The following PTH2R variants were observed in gnomAD, a reference collection of about 807,000 sequenced individuals.
PTH2R encodes the protein PTH2 receptor.
Under a neutral mutation model 60.3 loss-of-function variants are expected in PTH2R, and 59 were observed. The observed-to-expected ratio is 0.98, with a 90% CI of 0.79 to 1.22. The LOEUF (loss-of-function observed/expected upper bound fraction) is 1.22. Among genes scored for constraint, PTH2R ranks in the 50% most tolerant of loss-of-function variants. The pLI, the probability that PTH2R is intolerant of heterozygous loss-of-function variation, is 0.00. For missense variants in PTH2R, 749 were observed against 682.6 expected, an observed-to-expected ratio of 1.10 and a Z score of -1.08; for synonymous variants, 256 against 243.8, an observed-to-expected ratio of 1.05 and a Z score of -0.47.
intron 4 of PTH2R, among the ~76,000 whole-genome samples, chr2:208,439,942 A>C (rs1448136334): frequency 2.0e-5 from 3 of 152,242 alleles, no homozygotes; most frequent in African/African-American, 7.2e-5. Flanking sequence ...AATAATTATA[A>C]TGAATGTTTC....
At chr2:208,436,848 A>G (rs1702085572) in intron 2 of PTH2R, among the ~76,000 whole-genome samples, 1 of 152,214 alleles carries the variant, frequency 6.6e-6, no homozygotes, top group Non-Finnish European at 1.5e-5. Context: ...AAAAAGGGAC[A>G]GAGAGAATTG....
chr2:208,450,305 T>C (rs1702377844), intron 7 of PTH2R, among the ~76,000 whole-genome samples: 1 of 152,220 alleles, frequency 6.6e-6, no homozygotes, highest in Non-Finnish European at 1.5e-5. Context: ...CAGTATGCCT[T>C]CCATTTTTAG....
chr2:208,365,483 C>T (rs1271842002), intron 1 of PTH2R, among the ~76,000 whole-genome samples: 2 of 152,002 alleles, frequency 1.3e-5, no homozygotes, highest in African/African-American at 2.4e-5. Flanking sequence ...TGGTGTACTA[C>T]ATTGATTTTC....
At chr2:208,407,189 A>G (rs1396556363) in intron 1 of PTH2R, 71 bp downstream of exon 1, 1 of 1,302,370 alleles carries the variant, frequency 7.7e-7, no homozygotes, top group Non-Finnish European at 1.0e-6. Flanking sequence ...AGCGACACGG[A>G]GGCCAGGTGC....
intron 1 of PTH2R, among the ~76,000 whole-genome samples, chr2:208,362,593 C>T (rs1487032067): frequency 6.6e-6 from 1 of 152,116 alleles, no homozygotes; most frequent in Non-Finnish European, 1.5e-5. Context: ...ATACAGGTTG[C>T]TTCCGCCTTT....
intron 2 of PTH2R, among the ~76,000 whole-genome samples, chr2:208,428,594 G>A (rs1268047204): frequency 6.6e-6 from 1 of 152,238 alleles, no homozygotes; most frequent in Non-Finnish European, 1.5e-5. Context: ...CCTGTAGAGA[G>A]CATGCATACT....
chr2:208,452,857 G>A (rs74781747), intron 8 of PTH2R, among the ~76,000 whole-genome samples: 7,014 of 152,208 alleles, frequency 0.046, 325 homozygotes, highest in African/African-American at 0.11. Context: ...GCACAGCCAC[G>A]AATGGTAGAA....
chr2:208,387,079 G>C (rs2125879864), intron 1 of PTH2R, among the ~76,000 whole-genome samples: 1 of 152,074 alleles, frequency 6.6e-6, no homozygotes, highest in Middle Eastern at 3.4e-3. Context: ...ATATACAAAG[G>C]GATAATATTT....
intron 2 of PTH2R, among the ~76,000 whole-genome samples, chr2:208,434,260 C>T (rs1027000034): frequency 2.0e-5 from 3 of 151,630 alleles, no homozygotes; most frequent in African/African-American, 4.8e-5. Context: ...TTGCAGTGAG[C>T]TGAGATGGTG....
At chr2:208,435,389 G>C (rs1702054914) in intron 2 of PTH2R, among the ~76,000 whole-genome samples, 1 of 152,198 alleles carries the variant, frequency 6.6e-6, no homozygotes, top group Admixed American at 6.5e-5. Context: ...ATGGAATTAA[G>C]GTTATGGACC....
Position 208,442,451 on chromosome 2 carries a change from G to T in PTH2R, c.499G>T (p.Gly167Cys). ...GSLAVAILIIGYFRRLHCTRN... is the reference protein window; with the variant it reads ...GSLAVAILIICYFRRLHCTRN... ...CTTGGCTGTGGCTATTCTCATCATT[G>T]GTTACTTCAGGTGAGTGATGCCCAT... The change falls in exon 5 of 13, where the codon GGT becomes TGT. Residue 167 changes from glycine to cysteine, a missense_variant. By Grantham distance (159) the Gly-to-Cys change is radical. Transcript: ENST00000272847. The T allele has an allele frequency of 2.5e-6, 4 of 1,603,024 alleles. No individual in the cohort carries two copies. Among genetic ancestry groups the T allele is most frequent in the South Asian group, 1.1e-5 (1 of 90,828 alleles).
rs114730322 is a variant in PTH2R, at chr2:208,474,978, C to T, written c.982-6092C>T. On this transcript the variant is annotated intron_variant, in intron 9 of 12. Transcript: ENST00000272847. ...AACAACTGTAAATAACTGTCAGCTG[C>T]TGATGTGAGTAATGGAAGGAGATCA... Among the ~76,000 whole-genome samples the T allele has an allele frequency of 3.3e-3, 500 of 152,280 alleles. 3 individuals are homozygous for T. The highest frequency in any genetic ancestry group is 0.012 in the African/African-American group (483 of 41,564).
At chr2:208,468,090 C>G (rs1377337789) in intron 9 of PTH2R, among the ~76,000 whole-genome samples, 1 of 152,170 alleles carries the variant, frequency 6.6e-6, no homozygotes, top group Non-Finnish European at 1.5e-5. Flanking sequence ...ATATATTTTC[C>G]TCCTGGGATT....
chr2:208,456,806 G>A (rs989616021), intron 8 of PTH2R, among the ~76,000 whole-genome samples: 1 of 152,186 alleles, frequency 6.6e-6, no homozygotes, highest in African/African-American at 2.4e-5. Flanking sequence ...GACAGTGTGA[G>A]TGGGAACATT....
intron 1 of PTH2R, among the ~76,000 whole-genome samples, chr2:208,385,346 C>T (rs1201408708): frequency 6.6e-6 from 1 of 152,140 alleles, no homozygotes; most frequent in Non-Finnish European, 1.5e-5. Context: ...CAAAGAAATG[C>T]AAATTAGAAT....
rs1273370779 is a variant in PTH2R, at chr2:208,489,272, G to T, written c.1215+122G>T. On this transcript the variant is annotated intron_variant, in intron 11 of 12. Transcript: ENST00000272847. ...GATGCACCTGTCTGGGGAGTTGGGG[G>T]GTGCAGAAAGGTCAATATTTCTATA... 5.0e-6 allele frequency: 6 copies of T among 1,196,110 alleles called. No homozygotes were observed. The African/African-American group carries it at 6.1e-5, about 12-fold the overall frequency. 74.1% of individuals were successfully genotyped at this position (1,196,110 alleles called of 1,614,324 possible).
chr2:208,480,611 A>C (rs942600753), intron 9 of PTH2R, among the ~76,000 whole-genome samples: 13 of 152,182 alleles, frequency 8.5e-5, no homozygotes, highest in African/African-American at 2.2e-4. Flanking sequence ...TTAAAAAAAA[A>C]CACACACTTC....
intron 1 of PTH2R, among the ~76,000 whole-genome samples, chr2:208,421,378 G>A (rs1701753137): frequency 1.3e-5 from 2 of 151,910 alleles, no homozygotes; most frequent in Admixed American, 1.3e-4. Context: ...GTGTGTGTGT[G>A]TGTGTGTGTA....
At chr2:208,479,076 CT>C in intron 9 of PTH2R, among the ~76,000 whole-genome samples, 1 of 152,266 alleles carries the variant, frequency 6.6e-6, no homozygotes, top group East Asian at 1.9e-4. Flanking sequence ...TATTTTGTTA[CT>C]TATCTTTTAA....
Sources: gnomAD v4.1 joint callset for allele counts (sites outside exome capture counted in the v4.1 genomes callset) on GRCh38, gnomAD v4.1.1 for gene constraint, MANE v1.5 for transcripts, NCBI Gene and HGNC (gene_info 2026-07-23, HGNC 2026-07-21) for gene names.